Variants in GPRC6A observed in about 807,000 individuals in gnomAD.
GPRC6A encodes the protein G protein-coupled receptor family C group 6 member A.
Under a neutral mutation model 47.0 loss-of-function variants are expected in GPRC6A, and 54 were observed. The observed-to-expected ratio is 1.15, with a 90% CI of 0.92 to 1.44. The LOEUF is 1.44. Among genes scored for constraint, GPRC6A ranks in the 40% most tolerant of loss-of-function variants. The pLI, the probability that GPRC6A is intolerant of heterozygous loss-of-function variation, is 0.00. For missense variants in GPRC6A, 1,112 were observed against 1,105.5 expected (o/e 1.01, Z -0.08); for synonymous variants, 347 against 377.1 (o/e 0.92, Z 0.93).
intron 1 of GPRC6A, among the ~76,000 whole-genome samples, chr6:116,812,786 G>C (rs9489042): frequency 2.6e-5 from 4 of 152,034 alleles, no homozygotes; most frequent in African/African-American, 9.7e-5. Context: ...AGAAATAAAC[G>C]GTATTCAATT....
rs35974500 is a variant in GPRC6A, at chr6:116,818,532, TAAAAAAAAAAAAAAAAAAAAAA to T, written c.195-8937_195-8916del. Among the ~76,000 whole-genome samples the T allele has an allele frequency of 1.7e-3, 26 of 15,506 alleles. 3 individuals carry two copies. The highest frequency in any genetic ancestry group is 9.2e-3 in the Admixed American group (11 of 1,190). The allele number at this position is 15,506 out of a possible 152,430, so 10.2% of individuals were successfully genotyped here. On this transcript the variant is annotated intron_variant, in intron 1 of 5. Coordinates refer to ENST00000310357, the MANE Select transcript of GPRC6A (RefSeq NM_148963.4). ...CTGGGCGACAGAGCGAGACTCCGTC[TAAAAAAAAAAAAAAAAAAAAAA>T]AAAAAAAAAAAAAAAAGAATTTTCA...
At chr6:116,813,103 A>G (rs1469816319) in intron 1 of GPRC6A, among the ~76,000 whole-genome samples, 1 of 152,234 alleles carries the variant, frequency 6.6e-6, no homozygotes. Flanking sequence ...TCAATGAAAT[A>G]AAAGAAGACA....
chr6:116,824,197 G>C (rs1016166510), intron 1 of GPRC6A, among the ~76,000 whole-genome samples: 5 of 151,132 alleles, frequency 3.3e-5, no homozygotes, highest in Middle Eastern at 3.4e-3. Flanking sequence ...AACTAGAAAA[G>C]CAAAAAAACA....
At chr6:116,811,942 AT>A (rs1328024362) in intron 1 of GPRC6A, among the ~76,000 whole-genome samples, 1 of 152,228 alleles carries the variant, frequency 6.6e-6, no homozygotes, top group Non-Finnish European at 1.5e-5. Context: ...AGATATTGAA[AT>A]AGTTAAACAT....
chr6:116,828,110 G>C (rs1773728534), intron 1 of GPRC6A, among the ~76,000 whole-genome samples: 1 of 152,060 alleles, frequency 6.6e-6, no homozygotes, highest in African/African-American at 2.4e-5. Context: ...TTGGAACTCA[G>C]AGTTTAAGTG....
intron 4 of GPRC6A, among the ~76,000 whole-genome samples, chr6:116,799,162 T>C (rs1772583260): frequency 6.6e-6 from 1 of 152,128 alleles, no homozygotes; most frequent in Non-Finnish European, 1.5e-5. Context: ...CAGTTCTGTT[T>C]TGGAGATTTA....
At chr6:116,820,074 C>A (rs1046400576) in intron 1 of GPRC6A, among the ~76,000 whole-genome samples, 1 of 112,676 alleles carries the variant, frequency 8.9e-6, no homozygotes, top group East Asian at 2.8e-4. Context: ...GAGAATACTA[C>A]AAACACCTCA....
In GPRC6A at chr6:116,828,985, C is replaced by G; in HGVS notation, c.29G>C (p.Cys10Ser). MAFLIILIT[C>S]FVIILATSQP... ...TGAAGTAGCAAGAATAATCACAAAG[C>G]AGGTAATTAGTATAATTAAGAATGC... is the stretch of plus-strand genomic sequence containing the variant. Residue 10 changes from cysteine to serine, a missense_variant, in exon 1 of 6, where the codon TGC (cysteine) becomes TCC (serine). Cys to Ser is a moderately radical substitution (Grantham distance 112). Transcript: ENST00000310357. 1 of 1,612,666 alleles carries G rather than the reference C, an allele frequency of 6.2e-7. No individual in the cohort carries two copies. The highest frequency in any genetic ancestry group is 8.5e-7 in the Non-Finnish European group (1 of 1,179,176).
At chr6:116,804,194 C>T (rs1263552870) in intron 3 of GPRC6A, among the ~76,000 whole-genome samples, 1 of 151,996 alleles carries the variant, frequency 6.6e-6, no homozygotes, top group East Asian at 1.9e-4. Context: ...GTGGTATCCT[C>T]CACACACATC....
Position 116,798,464 on chromosome 6 carries a change from G to C in GPRC6A, c.1548+2120C>G, listed in dbSNP as rs796949866. ...GAGGGTGGGAGATAAGGTCAGGTTC[G>C]TACTGGGGGTAGGTTGTGTAGAATT... On this transcript the variant is annotated intron_variant, in intron 4 of 5. Coordinates refer to ENST00000310357, the MANE Select transcript of GPRC6A (RefSeq NM_148963.4). 2.0e-5 allele frequency among the ~76,000 whole-genome samples: 3 copies of C among 152,076 alleles called. No homozygotes were observed. In the East Asian group the frequency reaches 5.8e-4, roughly 29 times the overall value.
chr6:116,823,478 G>T (rs1773574901), intron 1 of GPRC6A, among the ~76,000 whole-genome samples: 1 of 151,928 alleles, frequency 6.6e-6, no homozygotes, highest in Non-Finnish European at 1.5e-5. Context: ...TCATCATTTT[G>T]GTCACAACAA....
chr6:116,805,565 A>G (rs1772809888), intron 3 of GPRC6A, among the ~76,000 whole-genome samples: 1 of 152,100 alleles, frequency 6.6e-6, no homozygotes, highest in Non-Finnish European at 1.5e-5. Context: ...GTAAAACATC[A>G]TTATTAAAAG....
In GPRC6A at chr6:116,809,776, T is replaced by C. The variant is rs753153822; in HGVS notation, c.195-159A>G. Among the ~76,000 whole-genome samples, 36 of 152,136 alleles carry C rather than the reference T, an allele frequency of 2.4e-4. 1 individual carries two copies. Among genetic ancestry groups the C allele is most frequent in the Non-Finnish European group, 3.5e-4 (24 of 68,014 alleles). On this transcript the variant is annotated intron_variant, in intron 1 of 5. Coordinates refer to ENST00000310357, the MANE Select transcript of GPRC6A (RefSeq NM_148963.4). ...ATTTAAAAACAATTTTTCATGATAATATTTATGAAGGGTAATATAAGAACC... is the reference window on the plus strand; with the variant it reads ...ATTTAAAAACAATTTTTCATGATAACATTTATGAAGGGTAATATAAGAACC...
chr6:116,822,628 G>A (rs1459204429), intron 1 of GPRC6A, among the ~76,000 whole-genome samples: 12 of 145,184 alleles, frequency 8.3e-5, no homozygotes, highest in African/African-American at 2.6e-4. Context: ...ACCAAACACC[G>A]CATATTCTCA....
In GPRC6A at chr6:116,801,924, T is replaced by C. The variant is rs139019437; in HGVS notation, c.1336-1128A>G. On this transcript the variant is annotated intron_variant, in intron 3 of 5. Coordinates refer to ENST00000310357, the MANE Select transcript of GPRC6A (RefSeq NM_148963.4). ...GAAAAAAAAGAGGAGAGAACAAAAATAAAAGAATATGCAAGGGCCTACCTC... is the reference window on the plus strand; with the variant it reads ...GAAAAAAAAGAGGAGAGAACAAAAACAAAAGAATATGCAAGGGCCTACCTC... Among the ~76,000 whole-genome samples the C allele has an allele frequency of 1.1e-4, 16 of 152,152 alleles. No individual in the cohort carries two copies. The East Asian group carries it at 3.1e-3, about 29-fold the overall frequency.
At chr6:116,812,043 A>G (rs984234233) in intron 1 of GPRC6A, among the ~76,000 whole-genome samples, 2 of 152,198 alleles carry the variant, frequency 1.3e-5, no homozygotes, top group Non-Finnish European at 1.5e-5. Flanking sequence ...CTAAACAGAT[A>G]CAATGCACAA....
chr6:116,818,069 C>G (rs1264581967), intron 1 of GPRC6A, among the ~76,000 whole-genome samples: 1 of 152,114 alleles, frequency 6.6e-6, no homozygotes, highest in Non-Finnish European at 1.5e-5. Context: ...AACTCCAAGA[C>G]ATGTAATTGT....
chr6:116,826,450 C>G (rs755471479), intron 1 of GPRC6A, among the ~76,000 whole-genome samples: 10 of 151,854 alleles, frequency 6.6e-5, no homozygotes, highest in Non-Finnish European at 1.2e-4. Context: ...CATCACTAAT[C>G]ATCAAAGAAA....
chr6:116,807,179 G>A lies in GPRC6A; in HGVS notation c.526C>T (p.Leu176=), dbSNP rs771968192. The change falls in exon 3 of 6, where the codon CTG becomes TTG. Residue 176 remains leucine (L), a synonymous_variant. Transcript: ENST00000310357. ...GAAGGAAAGCGAATTTTGTCACTCA[G>A]GATTTCTGCAGTTGATTCATAACCC... ...QVGYESTAEI[L]SDKIRFPSFL... 2 of 1,612,472 alleles carry A rather than the reference G, an allele frequency of 1.2e-6. No homozygotes were observed. The highest frequency in any genetic ancestry group is 1.3e-5 in the African/African-American group (1 of 74,972).
Sources: allele counts gnomAD v4.1 joint callset (sites outside exome capture counted in the v4.1 genomes callset), GRCh38; gene constraint gnomAD v4.1.1; transcripts MANE v1.5; gene names NCBI Gene and HGNC (gene_info 2026-07-23, HGNC 2026-07-21).